The following ENPP1 variants were observed in gnomAD, a reference collection of about 807,000 sequenced individuals.
ENPP1 encodes the protein ectonucleotide pyrophosphatase/phosphodiesterase 1.
ENPP1 carries 73 observed loss-of-function variants against 122.8 expected under a neutral mutation model. That is an observed-to-expected ratio of 0.59 (90% confidence interval 0.49 to 0.72). ENPP1 has a LOEUF of 0.72. Among genes scored for constraint, ENPP1 ranks in the 30% least tolerant of loss-of-function variants. The probability of loss-of-function intolerance (pLI) is 0.00; values close to 1 mark genes in which losing one functional copy is unlikely to be tolerated. For missense variants in ENPP1, 978 were observed against 1,128.1 expected (o/e 0.87, Z 1.91); for synonymous variants, 367 against 391.6 (o/e 0.94, Z 0.74).
intron 14 of ENPP1, among the ~76,000 whole-genome samples, chr6:131,872,670 T>G (rs1458406958): frequency 6.6e-6 from 1 of 152,148 alleles, no homozygotes; most frequent in Non-Finnish European, 1.5e-5. Context: ...TTCAAGTAGT[T>G]TGGAAGATTT....
intron 24 of ENPP1, among the ~76,000 whole-genome samples, chr6:131,889,308 C>T (rs551723201): frequency 2.0e-5 from 3 of 152,094 alleles, no homozygotes; most frequent in South Asian, 2.1e-4. Flanking sequence ...TGGTGGTTTG[C>T]TGCACAGATC....
intron 2 of ENPP1, among the ~76,000 whole-genome samples, chr6:131,849,400 T>A (rs1282693092): frequency 6.6e-6 from 1 of 152,142 alleles, no homozygotes; most frequent in Non-Finnish European, 1.5e-5. Flanking sequence ...TTAGGAAAGC[T>A]TTTTAGAGGG....
intron 1 of ENPP1, among the ~76,000 whole-genome samples, chr6:131,832,515 C>A (rs1585801282): frequency 3.3e-5 from 5 of 152,320 alleles, no homozygotes; most frequent in African/African-American, 1.2e-4. Flanking sequence ...CTCAGGTGGG[C>A]AGGGAGCCAT....
rs550803491 is a variant in ENPP1, at chr6:131,889,176, T to C, written c.2608-1165T>C. 2.0e-5 allele frequency among the ~76,000 whole-genome samples: 3 copies of C among 152,290 alleles called. No homozygotes were observed. The East Asian group carries it at 5.8e-4, about 29-fold the overall frequency. ...ATCAAGACTTATATGTTAAATAACT[T>C]TCCTTAGTTTACCTGATACGATTGT... On this transcript the variant is annotated intron_variant, in intron 24 of 24. Coordinates refer to ENST00000647893, the MANE Select transcript of ENPP1 (RefSeq NM_006208.3).
chr6:131,849,629 A>G (rs1781856113), intron 2 of ENPP1, among the ~76,000 whole-genome samples: 1 of 152,238 alleles, frequency 6.6e-6, no homozygotes, highest in Admixed American at 6.5e-5. Flanking sequence ...TGCTTAAGCC[A>G]ACTTTTTCAT....
At chr6:131,872,761 A>G (rs1782178113) in intron 14 of ENPP1, among the ~76,000 whole-genome samples, 162 bp from the exon 15 acceptor site, 1 of 152,168 alleles carries the variant, frequency 6.6e-6, no homozygotes, top group Non-Finnish European at 1.5e-5. Context: ...GTTTGTGAAA[A>G]AAAATTTCAT....
At position 131,869,480 on chromosome 6, in the gene ENPP1, T is replaced by C. The variant is rs1398170961; in HGVS notation, c.1396T>C (p.Tyr466His). ...RLRPSDVPDK[Y>H]YSFNYEGIAR... is the part of the protein sequence containing the mutation. ...GAGACCCTCTGATGTCCCAGATAAA[T>C]ACTATTCATGTAAGTATATCTCTGT... The change falls in exon 13 of 25, where the codon TAC becomes CAC. Residue 466 changes from tyrosine (Y) to histidine (H), a missense_variant. Physicochemically the swap from Tyr to His is moderately conservative, Grantham distance 83 (BLOSUM62 2). Coordinates refer to ENST00000647893, the MANE Select transcript of ENPP1 (RefSeq NM_006208.3). 2 of 1,613,428 alleles carry C rather than the reference T, an allele frequency of 1.2e-6. No homozygotes were observed. Among genetic ancestry groups the C allele is most frequent in the Non-Finnish European group, 1.7e-6 (2 of 1,179,432 alleles).
chr6:131,829,921 T>C (rs746459225), intron 1 of ENPP1, among the ~76,000 whole-genome samples: 1 of 152,174 alleles, frequency 6.6e-6, no homozygotes, highest in Non-Finnish European at 1.5e-5. Flanking sequence ...CTCTTTCCTG[T>C]TGGCCTCTCC....
chr6:131,823,271 G>A (rs1282589275), intron 1 of ENPP1, among the ~76,000 whole-genome samples: 1 of 152,136 alleles, frequency 6.6e-6, no homozygotes, highest in Non-Finnish European at 1.5e-5. Flanking sequence ...TGAGGTAGGA[G>A]GGAGCAAATC....
intron 1 of ENPP1, among the ~76,000 whole-genome samples, chr6:131,837,167 TGTC>T (rs1294313965): frequency 7.2e-6 from 1 of 139,264 alleles, no homozygotes; most frequent in Non-Finnish European, 1.5e-5. Context: ...GGGTTCCTGT[TGTC>T]ATTGTGTGTG....
chr6:131,850,723 T>C (rs146824900), intron 3 of ENPP1, among the ~76,000 whole-genome samples: 1 of 152,216 alleles, frequency 6.6e-6, no homozygotes, highest in Non-Finnish European at 1.5e-5. Flanking sequence ...CTCACACCAT[T>C]ATGCCCAGCT....
At chr6:131,858,517 C>T in intron 6 of ENPP1, 151 bp from the exon 7 acceptor site, 3 of 620,056 alleles carry the variant, frequency 4.8e-6, no homozygotes, top group East Asian at 2.8e-5. Flanking sequence ...CACAGTGTTG[C>T]TTTATAATTC....
chr6:131,834,711 TTTTTAGTAGAGACGGGGTTTCACCA>T (rs370151170), intron 1 of ENPP1, among the ~76,000 whole-genome samples: 10,391 of 151,448 alleles, frequency 0.069, 517 homozygotes, highest in East Asian at 0.16. Flanking sequence ...TTTTTTTGTA[TTTTTAGTAGAGACGGGGTTTCACCA>T]TTTTAGTAGA....
intron 1 of ENPP1, among the ~76,000 whole-genome samples, chr6:131,836,594 GT>G (rs1361371193): frequency 6.6e-6 from 1 of 152,122 alleles, no homozygotes; most frequent in East Asian, 1.9e-4. Flanking sequence ...AGAACTTGGC[GT>G]TTTTTTAAAT....
chr6:131,871,684 C>T (rs1195238470), intron 13 of ENPP1, among the ~76,000 whole-genome samples: 1 of 152,096 alleles, frequency 6.6e-6, no homozygotes, highest in Non-Finnish European at 1.5e-5. Context: ...TGAAACCATA[C>T]CAGATCTAGA....
intron 1 of ENPP1, among the ~76,000 whole-genome samples, chr6:131,840,709 C>T (rs986472584): frequency 2.0e-5 from 3 of 152,180 alleles, no homozygotes; most frequent in African/African-American, 4.8e-5. Context: ...GAATGCAAGC[C>T]GCCTGAGACC....
chr6:131,808,951 T>G (rs769096337), intron 1 of ENPP1, among the ~76,000 whole-genome samples: 3 of 152,232 alleles, frequency 2.0e-5, no homozygotes, highest in African/African-American at 7.2e-5. Context: ...GGACCCACAG[T>G]CAACTTCATG....
intron 1 of ENPP1, among the ~76,000 whole-genome samples, chr6:131,828,788 G>C (rs1781576667): frequency 6.6e-6 from 1 of 152,174 alleles, no homozygotes; most frequent in Admixed American, 6.5e-5. Flanking sequence ...TTAAAATTCT[G>C]TCTTTAAGTT....
chr6:131,862,464 G>C (rs1056268538), intron 9 of ENPP1, among the ~76,000 whole-genome samples: 3 of 152,200 alleles, frequency 2.0e-5, no homozygotes, highest in Admixed American at 1.3e-4. Flanking sequence ...AGAGCCAGCT[G>C]TGTGGGAGAC....
Sources: allele counts gnomAD v4.1 joint callset (sites outside exome capture counted in the v4.1 genomes callset), GRCh38; gene constraint gnomAD v4.1.1; transcripts MANE v1.5; gene names NCBI Gene and HGNC (gene_info 2026-07-23, HGNC 2026-07-21).